TRIM24: variants seen among roughly 807,000 people sequenced by gnomAD.
TRIM24 encodes transcription intermediary factor 1-alpha.
In TRIM24, 29 loss-of-function variants were observed where a neutral mutation model predicts 123.9. The observed-to-expected ratio is 0.23, with a 90% CI of 0.17 to 0.32. The LOEUF is 0.32. Among genes scored for constraint, TRIM24 ranks in the 10% least tolerant of loss-of-function variants. The probability of loss-of-function intolerance (pLI) is 1.00; values close to 1 mark genes in which losing one functional copy is unlikely to be tolerated. For missense variants in TRIM24, 932 were observed against 1,295.3 expected, an observed-to-expected ratio of 0.72 and a Z score of 4.31; for synonymous variants, 456 against 461.1, an observed-to-expected ratio of 0.99 and a Z score of 0.14.
chr7:138,564,129 T>C (rs144178114), intron 9 of TRIM24, among the ~76,000 whole-genome samples: 1 of 152,142 alleles, frequency 6.6e-6, no homozygotes, highest in Non-Finnish European at 1.5e-5. Flanking sequence ...TAGGAGGGGG[T>C]ATGGTGTTTC....
At chr7:138,512,441 G>A (rs1796310200) in intron 2 of TRIM24, among the ~76,000 whole-genome samples, 1 of 152,150 alleles carries the variant, frequency 6.6e-6, no homozygotes, top group African/African-American at 2.4e-5. Context: ...TGCCCCTGCA[G>A]CAGGCTTCTG....
chr7:138,501,090 A>G (rs774356889), intron 1 of TRIM24, among the ~76,000 whole-genome samples: 3 of 152,176 alleles, frequency 2.0e-5, no homozygotes, highest in Admixed American at 6.5e-5. Context: ...AGAACATTAT[A>G]TACTTTTATA....
chr7:138,553,819 A>C lies in TRIM24; in HGVS notation c.1262-879A>C, dbSNP rs149764083. 4.3e-3 allele frequency among the ~76,000 whole-genome samples: 648 copies of C among 152,262 alleles called. 3 individuals carry two copies. The highest frequency in any genetic ancestry group is 0.015 in the African/African-American group (622 of 41,542). ...CCTTTTCCAGCTACACGTCTGGATG[A>C]GTGTTGTGCCAGACCTCTGTTGACT... On this transcript the variant is annotated intron_variant, in intron 8 of 18. Coordinates refer to ENST00000343526, the MANE Select transcript of TRIM24 (RefSeq NM_015905.3).
intron 2 of TRIM24, among the ~76,000 whole-genome samples, chr7:138,508,722 T>C (rs28567628): frequency 0.011 from 1,342 of 124,226 alleles, 15 homozygotes; most frequent in Admixed American, 0.039. Flanking sequence ...TGTGTGTGCG[T>C]GTGTGTGTGT....
At chr7:138,487,262 T>C (rs1205392735) in intron 1 of TRIM24, among the ~76,000 whole-genome samples, 2 of 152,212 alleles carry the variant, frequency 1.3e-5, no homozygotes, top group African/African-American at 2.4e-5. Flanking sequence ...GTTTTCTAAA[T>C]ATACAATCAT....
At chr7:138,547,061 A>G (rs1797116266) in intron 7 of TRIM24, among the ~76,000 whole-genome samples, 1 of 152,240 alleles carries the variant, frequency 6.6e-6, no homozygotes, top group Admixed American at 6.5e-5. Context: ...ATGGATAAAG[A>G]AAATGTGGTA....
intron 1 of TRIM24, among the ~76,000 whole-genome samples, chr7:138,463,511 T>C (rs1795059905): frequency 1.3e-5 from 2 of 152,178 alleles, no homozygotes; most frequent in Admixed American, 1.3e-4. Flanking sequence ...GGATTACAGG[T>C]GTGAGCCACC....
intron 1 of TRIM24, among the ~76,000 whole-genome samples, chr7:138,464,725 C>T (rs1795096398): frequency 6.6e-6 from 1 of 151,974 alleles, no homozygotes; most frequent in Non-Finnish European, 1.5e-5. Context: ...TTTGTTGAGG[C>T]CAAATATGTT....
At chr7:138,460,989 C>G (rs780032233) in intron 1 of TRIM24, 77 bp downstream of exon 1, 35 of 1,294,148 alleles carry the variant, frequency 2.7e-5, no homozygotes, top group Non-Finnish European at 3.4e-5. Context: ...CGGCGCGACC[C>G]GCTGTCATGT....
At chr7:138,564,429 A>T (rs1447742306) in intron 9 of TRIM24, among the ~76,000 whole-genome samples, 8 of 152,314 alleles carry the variant, frequency 5.3e-5, no homozygotes, top group African/African-American at 1.7e-4. Flanking sequence ...ATTGGAATAT[A>T]TGGAAGAGGA....
chr7:138,559,599 C>T lies in TRIM24; in HGVS notation c.1530+4633C>T, dbSNP rs142534507. Among the ~76,000 whole-genome samples, 570 of 152,282 alleles carry T rather than the reference C, an allele frequency of 3.7e-3. 6 individuals carry two copies. The highest frequency in any genetic ancestry group is 0.013 in the African/African-American group (545 of 41,546). On this transcript the variant is annotated intron_variant, in intron 9 of 18. Transcript: ENST00000343526. ...GGCTGTTGTCTCCTCAAGCTTCAGC[C>T]GTGCATAGACTGGTCAGCTTCCAGG...
At chr7:138,578,920 G>GTATA (rs71177997) in intron 14 of TRIM24, among the ~76,000 whole-genome samples, 3,337 of 146,408 alleles carry the variant, frequency 0.023, 120 homozygotes, top group African/African-American at 0.079. Context: ...CTCCAGTGAG[G>GTATA]TATATATATA....
At chr7:138,527,969 G>A (rs1256808214) in intron 5 of TRIM24, among the ~76,000 whole-genome samples, 1 of 152,188 alleles carries the variant, frequency 6.6e-6, no homozygotes, top group Non-Finnish European at 1.5e-5. Flanking sequence ...GGGCTAGTTT[G>A]AAACAAGCTT....
Position 138,585,084 on chromosome 7 carries a change from C to T in TRIM24, c.*133C>T. 1.5e-6 allele frequency: 1 copy of T among 665,402 alleles called. No individual in the cohort carries two copies. Among genetic ancestry groups the T allele is most frequent in the Non-Finnish European group, 2.4e-6 (1 of 420,424 alleles). The allele number at this position is 665,402 out of a possible 1,614,324, so 41.2% of individuals were successfully genotyped here. On this transcript the variant is annotated 3_prime_UTR_variant, in exon 19 of 19. Coordinates refer to ENST00000343526, the MANE Select transcript of TRIM24 (RefSeq NM_015905.3). ...ATCTCTGTTTTGGACGTTTACTAGACTTTGATTTCCTTAATAGCCCATTTC... is the reference window on the plus strand; with the variant it reads ...ATCTCTGTTTTGGACGTTTACTAGATTTTGATTTCCTTAATAGCCCATTTC...
rs879295953 is a variant in TRIM24 at position 138,577,317 on chromosome 7, T to C, written c.2088-103T>C. On this transcript the variant is annotated intron_variant, in intron 13 of 18. Transcript: ENST00000343526. ...TTAATTGCTGATGTTAACATACTTATTGTTGTGAAGATACAGTATTTTAGA... is the reference window on the plus strand; with the variant it reads ...TTAATTGCTGATGTTAACATACTTACTGTTGTGAAGATACAGTATTTTAGA... 3 of 891,360 alleles carry C rather than the reference T, an allele frequency of 3.4e-6. No homozygotes were observed. In the Admixed American group the frequency reaches 9.2e-5, roughly 27 times the overall value. 55.2% of individuals were successfully genotyped at this position (891,360 alleles called of 1,614,324 possible).
intron 8 of TRIM24, among the ~76,000 whole-genome samples, chr7:138,551,444 G>A (rs1271090890): frequency 3.3e-5 from 5 of 152,150 alleles, no homozygotes; most frequent in African/African-American, 1.2e-4. Context: ...CTACTTGGAA[G>A]GCTGATGCTG....
chr7:138,483,813 G>C (rs1159913027), intron 1 of TRIM24, among the ~76,000 whole-genome samples: 1 of 152,176 alleles, frequency 6.6e-6, no homozygotes, highest in Non-Finnish European at 1.5e-5. Flanking sequence ...AGGAGGATGA[G>C]ATTGGCTTGT....
intron 9 of TRIM24, among the ~76,000 whole-genome samples, chr7:138,559,899 C>G (rs2116647057): frequency 6.6e-6 from 1 of 152,278 alleles, no homozygotes; most frequent in African/African-American, 2.4e-5. Flanking sequence ...TGTGATGGGT[C>G]TGTTAGGCTT....
intron 3 of TRIM24, among the ~76,000 whole-genome samples, chr7:138,515,621 G>GA (rs973016322): frequency 2.0e-5 from 3 of 152,114 alleles, no homozygotes; most frequent in East Asian, 1.9e-4. Context: ...AACAAATGGA[G>GA]AAAAAAATTG....
Sources: gnomAD v4.1 joint callset for allele counts (sites outside exome capture counted in the v4.1 genomes callset) on GRCh38, gnomAD v4.1.1 for gene constraint, MANE v1.5 for transcripts, NCBI Gene and HGNC (gene_info 2026-07-23, HGNC 2026-07-21) for gene names.